STK3: variants seen among roughly 807,000 people sequenced by gnomAD.
STK3 encodes serine/threonine kinase 3.
In STK3, 41 loss-of-function variants were observed where a neutral mutation model predicts 58.0. The observed-to-expected ratio is 0.71, with a 90% CI of 0.55 to 0.92. STK3 has a LOEUF of 0.92. Among genes scored for constraint, STK3 ranks in the 40% least tolerant of loss-of-function variants. The probability of loss-of-function intolerance (pLI) is 0.00; values close to 1 mark genes in which losing one functional copy is unlikely to be tolerated. For missense variants in STK3, 479 were observed against 602.7 expected, an observed-to-expected ratio of 0.79 and a Z score of 2.15; for synonymous variants, 170 against 191.0, an observed-to-expected ratio of 0.89 and a Z score of 0.91.
chr8:98,880,243 G>A (rs1230451027), downstream of STK3: 1 of 152,062 alleles, frequency 6.6e-6, no homozygotes, highest in Non-Finnish European at 1.5e-5. Flanking sequence ...CGGTGACAGA[G>A]GGAGATTCCA....
intron 1 of STK3, among the ~76,000 whole-genome samples, chr8:98,791,358 A>T (rs1832790391): frequency 6.6e-6 from 1 of 152,234 alleles, no homozygotes; most frequent in South Asian, 2.1e-4. Context: ...ATGCTCATTG[A>T]TGGGTAGAAT....
chr8:98,702,067 G>A (rs1329399075), intron 6 of STK3, among the ~76,000 whole-genome samples: 5 of 152,132 alleles, frequency 3.3e-5, no homozygotes, highest in African/African-American at 1.2e-4. Flanking sequence ...CTACCACAGT[G>A]AAGATTCGGT....
chr8:98,357,006 T>C, the STK3 span, among the ~76,000 whole-genome samples: 2 of 152,194 alleles, frequency 1.3e-5, no homozygotes, highest in Admixed American at 1.3e-4. Flanking sequence ...AAATTGTAAT[T>C]GGTGGGTCTG....
At chr8:98,613,090 C>T (rs1817329297) in intron 6 of STK3, among the ~76,000 whole-genome samples, 3 of 152,140 alleles carry the variant, frequency 2.0e-5, no homozygotes, top group Admixed American at 1.3e-4. Context: ...ACACGGAGAG[C>T]TAGAATCACC....
chr8:98,352,523 A>G, the STK3 span, among the ~76,000 whole-genome samples: 2 of 152,220 alleles, frequency 1.3e-5, no homozygotes, highest in African/African-American at 4.8e-5. Flanking sequence ...AAAAATGCCT[A>G]TGGATGACTT....
intron 9 of STK3, among the ~76,000 whole-genome samples, chr8:98,533,980 G>T (rs901094684): frequency 1.8e-4 from 27 of 152,204 alleles, no homozygotes; most frequent in African/African-American, 5.8e-4. Context: ...CATTACTTTT[G>T]AATTAGTAGA....
intron 1 of STK3, among the ~76,000 whole-genome samples, chr8:98,891,241 A>T (rs1228925518): frequency 2.0e-5 from 3 of 152,242 alleles, no homozygotes; most frequent in Non-Finnish European, 4.4e-5. Context: ...CCCGGGAGAA[A>T]CAGAGACTTA....
intron 4 of STK3, among the ~76,000 whole-genome samples, chr8:98,732,568 G>A (rs539184885): frequency 7.4e-4 from 113 of 152,066 alleles, no homozygotes; most frequent in Non-Finnish European, 1.3e-3. Flanking sequence ...AATAATAATT[G>A]ACCCCTTATT....
At chr8:98,887,366 C>T (rs185346323) in intron 1 of STK3, among the ~76,000 whole-genome samples, 46 of 152,154 alleles carry the variant, frequency 3.0e-4, no homozygotes, top group Admixed American at 8.5e-4. Context: ...AAGTATAATG[C>T]AAATATTCCA....
At chr8:98,550,492 G>A (rs1218755514) in intron 8 of STK3, among the ~76,000 whole-genome samples, 1 of 152,056 alleles carries the variant, frequency 6.6e-6, no homozygotes, top group East Asian at 1.9e-4. Flanking sequence ...CCACCACAAA[G>A]CATGGTAATC....
chr8:98,448,887 T>C (rs1393385468), intron 1 of STK3, among the ~76,000 whole-genome samples: 3 of 152,144 alleles, frequency 2.0e-5, no homozygotes, highest in Admixed American at 6.6e-5. Context: ...TCTCTTTCTA[T>C]AGAAAACATT....
At chr8:98,790,799 A>G (rs560520545) in intron 1 of STK3, among the ~76,000 whole-genome samples, 16 of 152,158 alleles carry the variant, frequency 1.1e-4, no homozygotes, top group Non-Finnish European at 2.1e-4. Flanking sequence ...CCTGGCCAAC[A>G]TAGTGAAACC....
At chr8:98,439,512 C>T (rs968786705) in intron 1 of STK3, among the ~76,000 whole-genome samples, 12 of 152,210 alleles carry the variant, frequency 7.9e-5, no homozygotes, top group South Asian at 2.1e-4. Context: ...AGATATTCCC[C>T]TCAGGTAATG....
intron 9 of STK3, among the ~76,000 whole-genome samples, chr8:98,547,530 GCTT>G (rs1465370386): frequency 6.6e-6 from 1 of 152,118 alleles, no homozygotes. Flanking sequence ...TCTTTCTAGT[GCTT>G]CTTATTTTCC....
chr8:98,673,519 C>T (rs1355540673), intron 6 of STK3, among the ~76,000 whole-genome samples: 4 of 151,660 alleles, frequency 2.6e-5, no homozygotes. Flanking sequence ...ACAAAAGTCA[C>T]ATATTGCATG....
chr8:98,828,067 C>T (rs1835379351), upstream of STK3, among the ~76,000 whole-genome samples: 2 of 151,758 alleles, frequency 1.3e-5, no homozygotes, highest in African/African-American at 2.4e-5. Context: ...CTCTGCCTCC[C>T]TGGTTCAAGA....
At chr8:98,710,136 A>T (rs1236164669) in intron 4 of STK3, among the ~76,000 whole-genome samples, 1 of 151,934 alleles carries the variant, frequency 6.6e-6, no homozygotes, top group Non-Finnish European at 1.5e-5. Context: ...CACAAAAAAA[A>T]CCTATTAGAA....
chr8:98,449,704 T>C (rs991689445), downstream of STK3, among the ~76,000 whole-genome samples: 1 of 152,162 alleles, frequency 6.6e-6, no homozygotes, highest in Non-Finnish European at 1.5e-5. Flanking sequence ...CCAAAACTCA[T>C]GTTGAAATTT....
At chr8:98,345,976 A>G in the STK3 span, among the ~76,000 whole-genome samples, 1 of 152,030 alleles carries the variant, frequency 6.6e-6, no homozygotes, top group Non-Finnish European at 1.5e-5. Context: ...AGAGAGAAGA[A>G]ATAGTTTCAA....
Sources: allele counts gnomAD v4.1 joint callset (sites outside exome capture counted in the v4.1 genomes callset), GRCh38; gene constraint gnomAD v4.1.1; transcripts MANE v1.5; gene names NCBI Gene and HGNC (gene_info 2026-07-23, HGNC 2026-07-21).